Variants in PRKAR2A observed in about 807,000 individuals in gnomAD.
PRKAR2A encodes the protein protein kinase cAMP-dependent type II regulatory subunit alpha, also known as cAMP-dependent protein kinase type II-alpha regulatory subunit.
In PRKAR2A, 29 loss-of-function variants were observed where a neutral mutation model predicts 51.9. The ratio of observed to expected loss-of-function variants is 0.56; its 90% CI spans 0.42 to 0.76. The LOEUF (loss-of-function observed/expected upper bound fraction) is 0.76, where lower values mean the gene tolerates loss of function less well. Ranked by LOEUF, PRKAR2A falls within the 30% of genes least tolerant of loss-of-function variation. PRKAR2A has a pLI of 0.00. For missense variants in PRKAR2A, 445 were observed against 512.1 expected (o/e 0.87, Z 1.26); for synonymous variants, 178 against 186.2 (o/e 0.96, Z 0.36).
At position 48,793,464 on chromosome 3, in the gene PRKAR2A, G is replaced by A. The variant is rs535628945; in HGVS notation, c.351+533C>T. On this transcript the variant is annotated intron_variant, in intron 3 of 10. Transcript: ENST00000265563. The stretch of plus-strand genomic sequence containing the variant: ...GTCGTTGTTATTTTAACAGAAATGA[G>A]GTCTAACTACATTGCCCAGGCTAGT... 1.2e-4 allele frequency among the ~76,000 whole-genome samples: 18 copies of A among 152,202 alleles called. 1 individual carries two copies. In the South Asian group the frequency reaches 3.7e-3, roughly 32 times the overall value.
At chr3:48,804,264 C>A (rs549162845) in intron 2 of PRKAR2A, among the ~76,000 whole-genome samples, 6 of 152,204 alleles carry the variant, frequency 3.9e-5, no homozygotes, top group African/African-American at 1.2e-4. Flanking sequence ...AATTCAAGAC[C>A]AGCCTAGGCA....
At chr3:48,846,370 C>T (rs2083462774) in intron 1 of PRKAR2A, among the ~76,000 whole-genome samples, 1 of 152,094 alleles carries the variant, frequency 6.6e-6, no homozygotes, top group African/African-American at 2.4e-5. Flanking sequence ...ACGCCCGCCA[C>T]CACGCCCGGC....
At chr3:48,767,651 G>A (rs532747433) in intron 6 of PRKAR2A, among the ~76,000 whole-genome samples, 12 of 152,176 alleles carry the variant, frequency 7.9e-5, no homozygotes, top group African/African-American at 2.2e-4. Context: ...CAGGCTGGAC[G>A]CAGTGGCTCA....
chr3:48,840,567 CTTTTTTTTTTTT>C (rs760883553), intron 1 of PRKAR2A, among the ~76,000 whole-genome samples: 1 of 69,468 alleles, frequency 1.4e-5, no homozygotes, highest in Non-Finnish European at 2.7e-5. Flanking sequence ...TTGTTTTCAC[CTTTTTTTTTTTT>C]TTTTTTTTTT....
chr3:48,813,135 C>T (rs780787082), intron 1 of PRKAR2A, among the ~76,000 whole-genome samples: 10 of 150,992 alleles, frequency 6.6e-5, no homozygotes, highest in Non-Finnish European at 8.8e-5. Flanking sequence ...AGTTGTCCGC[C>T]GGGCATAGGG....
At chr3:48,746,353 TAAAAA>T (rs34195938), downstream of PRKAR2A, among the ~76,000 whole-genome samples, 9 of 68,276 alleles carry the variant, frequency 1.3e-4, no homozygotes, top group Non-Finnish European at 1.6e-4. Flanking sequence ...ATCCTGTCAC[TAAAAA>T]AAAAAAAAAA....
At chr3:48,777,734 C>A (rs1335841860) in intron 5 of PRKAR2A, among the ~76,000 whole-genome samples, 1 of 151,962 alleles carries the variant, frequency 6.6e-6, no homozygotes, top group Non-Finnish European at 1.5e-5. Context: ...AAATTTCCTA[C>A]AAAGAACTTC....
intron 8 of PRKAR2A, among the ~76,000 whole-genome samples, 163 bp downstream of exon 8, chr3:48,764,841 T>C (rs2081914413): frequency 6.6e-6 from 1 of 152,146 alleles, no homozygotes; most frequent in Admixed American, 6.6e-5. Context: ...GCCAGGCTGG[T>C]CTTGAACTCC....
intron 1 of PRKAR2A, among the ~76,000 whole-genome samples, chr3:48,819,225 A>G (rs2082922091): frequency 6.6e-6 from 1 of 152,250 alleles, no homozygotes; most frequent in Admixed American, 6.5e-5. Context: ...CATGTTGGCC[A>G]GGCTGGTTTC....
rs1030263167 is a variant in PRKAR2A at position 48,765,012 on chromosome 3, T to C, written c.865A>G (p.Ile289Val). 1.2e-6 allele frequency: 2 copies of C among 1,613,898 alleles called. No homozygotes were observed. Among genetic ancestry groups the C allele is most frequent in the African/African-American group, 2.7e-5 (2 of 74,926 alleles). ...EKIYKDGERI[I>V]TQGEKADSFY... The stretch of plus-strand genomic sequence containing the variant: ...GTAAAGCCCTCACTCACCTGAGTGA[T>C]TATGCGTTCTCCATCCTTATAGATC... The change falls in exon 8 of 11, where the codon ATC (isoleucine) becomes GTC (valine). Residue 289 changes from isoleucine to valine, a missense_variant. By Grantham distance (29) the Ile-to-Val change is conservative. Coordinates refer to ENST00000265563, the MANE Select transcript of PRKAR2A (RefSeq NM_004157.4).
intron 1 of PRKAR2A, among the ~76,000 whole-genome samples, chr3:48,828,724 A>AG (rs1183037153): frequency 6.6e-6 from 1 of 151,268 alleles, no homozygotes; most frequent in African/African-American, 2.4e-5. Context: ...AAAAAAAAAA[A>AG]AAAAAGAAAG....
At chr3:48,795,190 A>G (rs2082470780) in intron 2 of PRKAR2A, among the ~76,000 whole-genome samples, 1 of 152,072 alleles carries the variant, frequency 6.6e-6, no homozygotes, top group African/African-American at 2.4e-5. Flanking sequence ...GTTAGCCAGG[A>G]TGGTCTCGAT....
chr3:48,747,715 T>C lies in PRKAR2A; in HGVS notation c.*3870A>G, dbSNP rs1011006748. The C allele has an allele frequency of 1.3e-5, 2 of 152,064 alleles. No individual in the cohort carries two copies. The highest frequency in any genetic ancestry group is 2.4e-5 in the African/African-American group (1 of 41,392). The allele number at this position is 152,064 out of a possible 1,614,324, so 9.4% of individuals were successfully genotyped here. ...ATAAGCTGGGGGCCAAAAGGAAGGC[T>C]CTCAGGAATATTCTCTACCATCCAA... On this transcript the variant is annotated 3_prime_UTR_variant, in exon 11 of 11. Transcript: ENST00000265563.
chr3:48,799,779 C>T (rs1367009267), intron 2 of PRKAR2A, among the ~76,000 whole-genome samples: 1 of 152,128 alleles, frequency 6.6e-6, no homozygotes, highest in Non-Finnish European at 1.5e-5. Flanking sequence ...TGCCAATACA[C>T]CCATTTCTGA....
intron 1 of PRKAR2A, among the ~76,000 whole-genome samples, chr3:48,808,820 AT>A (rs2082724794): frequency 3.9e-5 from 3 of 77,524 alleles, no homozygotes; most frequent in Admixed American, 1.7e-4. Flanking sequence ...CCTGGCCTGT[AT>A]TTTTTTAGAG....
Position 48,847,212 on chromosome 3 carries a change from T to A in PRKAR2A, c.262+123A>T. 7.9e-7 allele frequency: 1 copy of A among 1,264,856 alleles called. No homozygotes were observed. Among genetic ancestry groups the A allele is most frequent in the Non-Finnish European group, 1.1e-6 (1 of 929,846 alleles). 78.4% of individuals were successfully genotyped at this position (1,264,856 alleles called of 1,614,324 possible). ...CTCAGGGAAACGCTAGAAACGCGGC[T>A]ACAGAGCTCCCAATCCCAGCCTGCG... On this transcript the variant is annotated intron_variant, in intron 1 of 10. Transcript: ENST00000265563. The surrounding 1 kb of genome is among the most constrained non-coding windows in gnomAD (Gnocchi z 4.4).
chr3:48,809,059 G>C (rs1254391222), intron 1 of PRKAR2A, among the ~76,000 whole-genome samples: 2 of 152,232 alleles, frequency 1.3e-5, no homozygotes. Flanking sequence ...GGGATTACAG[G>C]TGTGAACCAC....
chr3:48,829,749 A>T (rs1484763981), intron 1 of PRKAR2A, among the ~76,000 whole-genome samples: 1 of 138,956 alleles, frequency 7.2e-6, no homozygotes, highest in African/African-American at 2.6e-5. Flanking sequence ...ATATACGCAT[A>T]TATTTTATAT....
At chr3:48,829,100 C>A (rs1233272913) in intron 1 of PRKAR2A, among the ~76,000 whole-genome samples, 3 of 151,786 alleles carry the variant, frequency 2.0e-5, no homozygotes, top group Non-Finnish European at 2.9e-5. Flanking sequence ...CCTTCCAAAG[C>A]GCTGGGATTA....
Sources: gnomAD v4.1 joint callset for allele counts (sites outside exome capture counted in the v4.1 genomes callset) on GRCh38, gnomAD v4.1.1 for gene constraint, Gnocchi (gnomAD v3.1) non-coding constraint, MANE v1.5 for transcripts, NCBI Gene and HGNC (gene_info 2026-07-23, HGNC 2026-07-21) for gene names.